The following RNLS variants were observed in gnomAD, a reference collection of about 807,000 sequenced individuals.
RNLS encodes the protein renalase.
A neutral mutation model predicts 39.8 loss-of-function variants in RNLS; 39 were observed. That is an observed-to-expected ratio of 0.98 (90% CI 0.76 to 1.28). RNLS has a LOEUF of 1.28. RNLS is among the 50% of genes most tolerant of loss of function. The probability of loss-of-function intolerance (pLI) is 0.00; values close to 1 mark genes in which losing one functional copy is unlikely to be tolerated. For missense variants in RNLS, 410 were observed against 413.3 expected (o/e 0.99, Z 0.07); for synonymous variants, 147 against 150.7 (o/e 0.98, Z 0.18).
intron 5 of RNLS, among the ~76,000 whole-genome samples, chr10:88,335,513 C>T (rs1375136605): frequency 1.3e-5 from 2 of 152,216 alleles, no homozygotes; most frequent in Admixed American, 6.5e-5. Flanking sequence ...AGCCACCACA[C>T]CCAGCCCCTC....
At chr10:88,252,015 C>T in the RNLS span, among the ~76,000 whole-genome samples, 3 of 152,182 alleles carry the variant, frequency 2.0e-5, no homozygotes, top group Non-Finnish European at 4.4e-5. Context: ...TATTTCTTCT[C>T]GTTCCAAGTA....
intron 4 of RNLS, among the ~76,000 whole-genome samples, chr10:88,490,771 G>A (rs1844829294): frequency 1.3e-5 from 2 of 152,090 alleles, no homozygotes; most frequent in Non-Finnish European, 2.9e-5. Flanking sequence ...ACATGGGTAA[G>A]CCACAACACA....
intron 4 of RNLS, among the ~76,000 whole-genome samples, chr10:88,433,516 A>C (rs1178771890): frequency 6.6e-6 from 1 of 152,072 alleles, no homozygotes; most frequent in Non-Finnish European, 1.5e-5. Flanking sequence ...TTATTTTACA[A>C]TATTTTGATT....
At chr10:88,377,250 ACACACACACG>A (rs752385731) in intron 4 of RNLS, among the ~76,000 whole-genome samples, 15 of 143,662 alleles carry the variant, frequency 1.0e-4, no homozygotes, top group Admixed American at 2.8e-4. Flanking sequence ...ATACACACAC[ACACACACACG>A]CACACATCCT....
intron 4 of RNLS, among the ~76,000 whole-genome samples, chr10:88,459,478 T>G (rs1191289802): frequency 1.3e-5 from 2 of 152,168 alleles, no homozygotes; most frequent in Non-Finnish European, 1.5e-5. Flanking sequence ...TCTTTTTGTC[T>G]GTTTCGTATT....
intron 4 of RNLS, among the ~76,000 whole-genome samples, chr10:88,510,367 A>G (rs1474419926): frequency 6.6e-6 from 1 of 152,168 alleles, no homozygotes; most frequent in Non-Finnish European, 1.5e-5. Context: ...TGTTTAAATT[A>G]TTCAAATTAG....
At chr10:88,187,169 T>TATATATATA in the RNLS span, among the ~76,000 whole-genome samples, 20 of 116,514 alleles carry the variant, frequency 1.7e-4, 1 homozygote, top group African/African-American at 4.4e-4. Context: ...ATATATATAA[T>TATATATATA]ATATATATAA....
chr10:88,581,930 C>G (rs1214447902), intron 2 of RNLS, among the ~76,000 whole-genome samples: 1 of 152,116 alleles, frequency 6.6e-6, no homozygotes, highest in Non-Finnish European at 1.5e-5. Context: ...AGGTCGTTTG[C>G]TGACTTTAGT....
the RNLS span, among the ~76,000 whole-genome samples, chr10:88,248,234 G>A: frequency 3.3e-5 from 5 of 152,078 alleles, no homozygotes; most frequent in Admixed American, 1.3e-4. Flanking sequence ...TAGAGTCTTC[G>A]TCTGGATTCA....
chr10:88,251,415 T>C, the RNLS span, among the ~76,000 whole-genome samples: 3 of 152,322 alleles, frequency 2.0e-5, no homozygotes, highest in East Asian at 3.9e-4. Flanking sequence ...ATCTGTAAAA[T>C]GAGGAATTTG....
chr10:88,308,561 T>A (rs1212880710), intron 6 of RNLS, among the ~76,000 whole-genome samples: 1 of 151,848 alleles, frequency 6.6e-6, no homozygotes, highest in African/African-American at 2.4e-5. Context: ...ATTAGAGAAA[T>A]GCAAATCAAA....
At chr10:88,183,299 T>C in the RNLS span, among the ~76,000 whole-genome samples, 2 of 152,142 alleles carry the variant, frequency 1.3e-5, no homozygotes, top group African/African-American at 4.8e-5. Flanking sequence ...TGTCAGCTAA[T>C]ATGTGAAATT....
chr10:88,295,118 T>C (rs1029152170), intron 6 of RNLS, among the ~76,000 whole-genome samples: 3 of 152,186 alleles, frequency 2.0e-5, no homozygotes, highest in African/African-American at 2.4e-5. Flanking sequence ...AGAAATCATA[T>C]ACATATGAAA....
intron 4 of RNLS, among the ~76,000 whole-genome samples, chr10:88,374,699 A>G (rs1850833669): frequency 6.6e-6 from 1 of 152,144 alleles, no homozygotes; most frequent in Non-Finnish European, 1.5e-5. Flanking sequence ...TCTCAGGGAC[A>G]TTAAAATGGA....
chr10:88,365,368 G>T (rs969844230), intron 4 of RNLS, among the ~76,000 whole-genome samples: 6 of 82,666 alleles, frequency 7.3e-5, no homozygotes, highest in Admixed American at 2.4e-4. Context: ...CACATATTTT[G>T]GCAAGCAAAA....
intron 4 of RNLS, among the ~76,000 whole-genome samples, chr10:88,518,687 TCA>T (rs1846538336): frequency 6.6e-6 from 1 of 151,886 alleles, no homozygotes; most frequent in African/African-American, 2.4e-5. Flanking sequence ...TGGAAAAAAA[TCA>T]CTGTCTACCT....
the RNLS span, among the ~76,000 whole-genome samples, chr10:88,220,108 C>A: frequency 4.1e-4 from 63 of 152,324 alleles, no homozygotes; most frequent in Non-Finnish European, 7.3e-4. Flanking sequence ...GAAGCATAAA[C>A]CCTCTAATTA....
At chr10:88,544,120 CT>C (rs1170183100) in intron 4 of RNLS, among the ~76,000 whole-genome samples, 1 of 152,112 alleles carries the variant, frequency 6.6e-6, no homozygotes, top group Middle Eastern at 3.2e-3. Context: ...AATGTGAGGA[CT>C]AGTACAAGAA....
intron 4 of RNLS, among the ~76,000 whole-genome samples, chr10:88,443,057 C>A (rs1425658766): frequency 6.6e-6 from 1 of 152,188 alleles, no homozygotes; most frequent in Non-Finnish European, 1.5e-5. Flanking sequence ...CTTCCACATC[C>A]AACGCCTGAA....
Sources: gnomAD v4.1 joint callset for allele counts (sites outside exome capture counted in the v4.1 genomes callset) on GRCh38, gnomAD v4.1.1 for gene constraint, MANE v1.5 for transcripts, NCBI Gene and HGNC (gene_info 2026-07-23, HGNC 2026-07-21) for gene names.